Variants in ZFAT observed in about 807,000 individuals in gnomAD.
ZFAT encodes zinc finger and AT-hook domain containing.
ZFAT carries 64 observed loss-of-function variants against 117.7 expected under a neutral mutation model. That is an observed-to-expected ratio of 0.54 (90% CI 0.44 to 0.67). The LOEUF (loss-of-function observed/expected upper bound fraction) is 0.67, where lower values mean the gene tolerates loss of function less well. Ranked by LOEUF, ZFAT falls within the 30% of genes least tolerant of loss-of-function variation. The pLI is 0.00. For synonymous variants in ZFAT, 679 were observed against 615.0 expected (o/e 1.10, Z -1.54); for missense variants, 1,433 against 1,584.5 (o/e 0.90, Z 1.62).
At chr8:134,749,510 T>C in the ZFAT span, among the ~76,000 whole-genome samples, 1 of 152,160 alleles carries the variant, frequency 6.6e-6, no homozygotes, top group South Asian at 2.1e-4. Flanking sequence ...AATACCACTC[T>C]TGAGGGTAGA....
At chr8:134,487,746 T>C (rs10100310) in intron 15 of ZFAT, among the ~76,000 whole-genome samples, 24,778 of 152,138 alleles carry the variant, frequency 0.16, 2,264 homozygotes, top group Admixed American at 0.26. Context: ...TGCCCTCTCC[T>C]CCAGGAAGCT....
chr8:134,716,301 A>T (rs1357863503), upstream of ZFAT, among the ~76,000 whole-genome samples: 2 of 152,214 alleles, frequency 1.3e-5, no homozygotes, highest in East Asian at 3.8e-4. Flanking sequence ...CACATTGTAG[A>T]AAATAATCCA....
At chr8:134,591,471 G>A (rs977529346) in intron 7 of ZFAT, among the ~76,000 whole-genome samples, 3 of 152,166 alleles carry the variant, frequency 2.0e-5, no homozygotes, top group African/African-American at 7.2e-5. Context: ...TGCTCTCAGC[G>A]CTCACTTGAG....
At chr8:134,641,990 A>G (rs1438413251) in intron 2 of ZFAT, among the ~76,000 whole-genome samples, 1 of 152,174 alleles carries the variant, frequency 6.6e-6, no homozygotes, top group African/African-American at 2.4e-5. Context: ...CAATTTAATA[A>G]CGTAAGCCCT....
At chr8:134,497,694 G>A (rs1489005642) in intron 15 of ZFAT, among the ~76,000 whole-genome samples, 1 of 76,408 alleles carries the variant, frequency 1.3e-5, no homozygotes, top group Non-Finnish European at 2.8e-5. Context: ...GGATGCCCCC[G>A]CTGCTGGTTA....
intron 11 of ZFAT, among the ~76,000 whole-genome samples, chr8:134,544,125 G>A (rs540445586): frequency 1.3e-5 from 2 of 152,104 alleles, no homozygotes; most frequent in East Asian, 1.9e-4. Flanking sequence ...CCAGGAAGTT[G>A]TAAGTTCTTC....
intron 2 of ZFAT, among the ~76,000 whole-genome samples, chr8:134,655,617 G>A (rs188826739): frequency 6.6e-5 from 10 of 151,478 alleles, no homozygotes; most frequent in South Asian, 2.1e-4. Flanking sequence ...CACTGCATTC[G>A]AGCCTGGGCA....
At chr8:134,713,559 T>A (rs1233403483), upstream of ZFAT, among the ~76,000 whole-genome samples, 1 of 152,124 alleles carries the variant, frequency 6.6e-6, no homozygotes, top group Non-Finnish European at 1.5e-5. Context: ...CGGCCTACGA[T>A]CACACGTGAC....
At chr8:134,616,793 C>T (rs1185379125) in intron 3 of ZFAT, among the ~76,000 whole-genome samples, 2 of 152,156 alleles carry the variant, frequency 1.3e-5, no homozygotes, top group Non-Finnish European at 2.9e-5. Context: ...AGGTAGTGGG[C>T]ATGCAGCACT....
At chr8:134,674,272 G>A (rs1012078147) in intron 1 of ZFAT, among the ~76,000 whole-genome samples, 6 of 152,282 alleles carry the variant, frequency 3.9e-5, no homozygotes, top group Middle Eastern at 3.4e-3. Flanking sequence ...CTTCACAATC[G>A]GTAGACCAGG....
chr8:134,488,877 C>A (rs986684484), intron 15 of ZFAT, among the ~76,000 whole-genome samples: 1 of 151,128 alleles, frequency 6.6e-6, no homozygotes, highest in Non-Finnish European at 1.5e-5. Flanking sequence ...GGAAAAGCAC[C>A]GGGCAGAGCA....
intron 3 of ZFAT, among the ~76,000 whole-genome samples, chr8:134,622,428 T>G (rs1196512468): frequency 6.6e-6 from 1 of 152,134 alleles, no homozygotes; most frequent in Non-Finnish European, 1.5e-5. Context: ...TGGCAAATGG[T>G]GTGCATGCCC....
chr8:134,715,135 G>A (rs1814196745), upstream of ZFAT, among the ~76,000 whole-genome samples: 1 of 152,206 alleles, frequency 6.6e-6, no homozygotes, highest in Non-Finnish European at 1.5e-5. Flanking sequence ...TCTCACAGCA[G>A]CGTTTAAATG....
At chr8:134,484,064 A>T (rs1272149326) in intron 15 of ZFAT, among the ~76,000 whole-genome samples, 1 of 152,064 alleles carries the variant, frequency 6.6e-6, no homozygotes, top group African/African-American at 2.4e-5. Context: ...TCTTCCCCCA[A>T]CATTTAAGAA....
At chr8:134,743,100 C>T in the ZFAT span, among the ~76,000 whole-genome samples, 4 of 152,342 alleles carry the variant, frequency 2.6e-5, no homozygotes, top group Non-Finnish European at 2.9e-5. Context: ...GACTGAAACA[C>T]GTGGTGAAAC....
intron 11 of ZFAT, among the ~76,000 whole-genome samples, chr8:134,557,235 G>A (rs1202183254): frequency 6.6e-6 from 1 of 152,144 alleles, no homozygotes; most frequent in African/African-American, 2.4e-5. Flanking sequence ...TGGTTAAAAG[G>A]TCAGCAAATC....
the ZFAT span, among the ~76,000 whole-genome samples, chr8:134,801,338 C>A: frequency 6.6e-6 from 1 of 152,130 alleles, no homozygotes; most frequent in African/African-American, 2.4e-5. Context: ...AAAATATATT[C>A]CCACAAATAT....
chr8:134,552,366 T>C (rs1823229469), intron 11 of ZFAT, among the ~76,000 whole-genome samples: 1 of 152,268 alleles, frequency 6.6e-6, no homozygotes, highest in African/African-American at 2.4e-5. Context: ...GAATGTCAAA[T>C]TGTGGTATCA....
At chr8:134,709,771 T>C (rs572431756) in intron 1 of ZFAT, among the ~76,000 whole-genome samples, 1 of 152,282 alleles carries the variant, frequency 6.6e-6, no homozygotes, top group Admixed American at 6.5e-5. Context: ...GTTATGTAAA[T>C]TGCAAGGTAT....
Sources: gnomAD v4.1 joint callset for allele counts (sites outside exome capture counted in the v4.1 genomes callset) on GRCh38, gnomAD v4.1.1 for gene constraint, MANE v1.5 for transcripts, NCBI Gene and HGNC (gene_info 2026-07-23, HGNC 2026-07-21) for gene names.